SPOCD1: variants seen among roughly 807,000 people sequenced by gnomAD.
SPOCD1 encodes the protein SPOC domain containing 1, also known as SPOC domain-containing protein 1.
A neutral mutation model predicts 92.2 loss-of-function variants in SPOCD1; 64 were observed. The observed-to-expected ratio is 0.69, with a 90% CI of 0.57 to 0.86. The LOEUF (loss-of-function observed/expected upper bound fraction) is 0.86. Among genes scored for constraint, SPOCD1 ranks in the 40% least tolerant of loss-of-function variants. SPOCD1 has a pLI of 0.00. For synonymous variants in SPOCD1, 578 were observed against 619.3 expected, an observed-to-expected ratio of 0.93 and a Z score of 0.99; for missense variants, 1,360 against 1,543.1, an observed-to-expected ratio of 0.88 and a Z score of 1.99.
chr1:31,814,587 C>G lies in SPOCD1; in HGVS notation c.747G>C (p.Leu249=). ...GTCTGCAAGGGCCTCCCAAGGACTC[C>G]AGGTCAGCAACTTGGGGAGGGTCTC... is the stretch of plus-strand genomic sequence containing the variant. The part of the protein sequence containing the change: ...SVGDPPQVAD[L]ESLGGPCRPP... Residue 249 remains leucine, a synonymous_variant, in exon 2 of 16, where the codon CTG becomes CTC. Coordinates refer to ENST00000360482, the MANE Select transcript of SPOCD1 (RefSeq NM_144569.7). This position sits in a 1 kb window ranked among gnomAD's most constrained non-coding sequence, Gnocchi z 4.2. 1 of 1,529,856 alleles carries G rather than the reference C, an allele frequency of 6.5e-7. No individual in the cohort carries two copies. The highest frequency in any genetic ancestry group is 8.8e-7 in the Non-Finnish European group (1 of 1,138,770). The allele number at this position is 1,529,856 out of a possible 1,614,324, so 94.8% of individuals were successfully genotyped here. A position where few individuals can be genotyped will look rare whatever the true frequency, so the allele number is the denominator to read the frequency against.
At chr1:31,793,712 C>T (rs760309119) in intron 12 of SPOCD1, 35 bp downstream of exon 12, 12 of 1,613,152 alleles carry the variant, frequency 7.4e-6, no homozygotes, top group African/African-American at 1.3e-5. Context: ...CTCAACCCTG[C>T]TGGGTTATCC....
At chr1:31,800,652 GC>G in intron 3 of SPOCD1, 35 bp from the exon 4 acceptor site, 1 of 1,544,632 alleles carries the variant, frequency 6.5e-7, no homozygotes, top group Admixed American at 1.9e-5. Flanking sequence ...AGCAAGCGGG[GC>G]CAGCCGCTGT....
chr1:31,800,639 A>C, intron 3 of SPOCD1, 22 bp from the exon 4 acceptor site: 1 of 1,576,536 alleles, frequency 6.3e-7, no homozygotes, highest in Non-Finnish European at 8.6e-7. Context: ...ATCGCACTTC[A>C]GAAGCAAGCG....
At position 31,814,247 on chromosome 1, in the gene SPOCD1, C is replaced by A. The variant is rs767301932; in HGVS notation, c.1087G>T (p.Glu363Ter). The A allele has an allele frequency of 1.1e-5, 18 of 1,583,140 alleles. No homozygotes were observed. Among genetic ancestry groups the A allele is most frequent in the Non-Finnish European group, 1.5e-5 (18 of 1,164,018 alleles). ...GCTGGCTGAGCCTTGGCCTCCAGCTCCTCCTGGTCCTGTGCTGGAGCCTGG... is the reference window on the plus strand; with the variant it reads ...GCTGGCTGAGCCTTGGCCTCCAGCTACTCCTGGTCCTGTGCTGGAGCCTGG... ...EGQAPAQDQE[E>*]LEAKAQPASR... Residue 363 changes from glutamate (E) to a stop codon, truncating the protein, a stop_gained, in exon 2 of 16, where the codon GAG (glutamate) becomes TAG (stop). Transcript: ENST00000360482. LOFTEE classifies it high-confidence loss of function. This position sits in a 1 kb window ranked among gnomAD's most constrained non-coding sequence, Gnocchi z 4.2.
intron 2 of SPOCD1, among the ~76,000 whole-genome samples, chr1:31,804,981 C>CTTTCTTTTTT (rs1648718936): frequency 1.8e-5 from 1 of 54,306 alleles, no homozygotes; most frequent in Non-Finnish European, 4.0e-5. Context: ...TTCTTTCTTT[C>CTTTCTTTTTT]TTTCTTTTTT....
chr1:31,803,951 G>A (rs1261581593), intron 2 of SPOCD1, among the ~76,000 whole-genome samples: 1 of 151,964 alleles, frequency 6.6e-6, no homozygotes, highest in East Asian at 1.9e-4. Flanking sequence ...AAGAGAATGG[G>A]TAGAAGCAGT....
At position 31,798,170 on chromosome 1, in the gene SPOCD1, C is replaced by T. The variant is rs185745132; in HGVS notation, c.2145+37G>A. 528 of 1,518,942 alleles carry T rather than the reference C, an allele frequency of 3.5e-4. 3 individuals carry two copies. In the East Asian group the frequency reaches 9.9e-3, roughly 28 times the overall value. The allele number at this position is 1,518,942 out of a possible 1,614,324, so 94.1% of individuals were successfully genotyped here. A position where few individuals can be genotyped will look rare whatever the true frequency, so the allele number is the denominator to read the frequency against. ...TCTCAGGCCACCCACTCTGCCCCTA[C>T]ATCCCCTCACCCATCCCGACTGGGC... On this transcript the variant is annotated intron_variant, in intron 9 of 15. Coordinates refer to ENST00000360482, the MANE Select transcript of SPOCD1 (RefSeq NM_144569.7). The surrounding 1 kb of genome is among the most constrained non-coding windows in gnomAD (Gnocchi z 4.1).
At chr1:31,804,956 G>C (rs1648715975) in intron 2 of SPOCD1, among the ~76,000 whole-genome samples, 1 of 140,830 alleles carries the variant, frequency 7.1e-6, no homozygotes, top group East Asian at 2.1e-4. Context: ...AGTTATTTGT[G>C]CTCAAATTTC....
At position 31,798,561 on chromosome 1, in the gene SPOCD1, C is replaced by T. The variant is rs1648196351; in HGVS notation, c.1909G>A (p.Val637Met). The change falls in exon 8 of 16, where the codon GTG (valine) becomes ATG (methionine). Residue 637 changes from valine to methionine, a missense_variant. Physicochemically the swap from Val to Met is conservative, Grantham distance 21. Around this residue, in one of 3 missense-constraint regions of SPOCD1, gnomAD observed 614 missense variants for 757.8 expected, o/e 0.81. Transcript: ENST00000360482. This position sits in a 1 kb window ranked among gnomAD's most constrained non-coding sequence, Gnocchi z 4.1. ...LPDPVLSEEV[V>M]EGIAAGIEAA... ...TCAATGCCAGCAGCAATGCCCTCCA[C>T]CACCTCCTCACTCAGCACTGGGTCT... The T allele has an allele frequency of 1.2e-6, 2 of 1,613,608 alleles. No individual in the cohort carries two copies. The highest frequency in any genetic ancestry group is 1.7e-6 in the Non-Finnish European group (2 of 1,179,954).
intron 13 of SPOCD1, 54 bp downstream of exon 13, chr1:31,793,224 C>T: frequency 6.6e-7 from 1 of 1,512,528 alleles, no homozygotes; most frequent in Non-Finnish European, 8.9e-7. Flanking sequence ...GAGAGAGAGG[C>T]TGCCTGGGCT....
Position 31,811,606 on chromosome 1 carries a change from C to T in SPOCD1, c.1383+2345G>A, listed in dbSNP as rs534598464. On this transcript the variant is annotated intron_variant, in intron 2 of 15. Coordinates refer to ENST00000360482, the MANE Select transcript of SPOCD1 (RefSeq NM_144569.7). The stretch of plus-strand genomic sequence containing the variant: ...CAGAGCTTGACCTTGAACCTGTCTG[C>T]CCCTGCCACAAGCCAGGCTGTCTCC... 8.5e-5 allele frequency among the ~76,000 whole-genome samples: 13 copies of T among 152,358 alleles called. No individual in the cohort carries two copies. The East Asian group carries it at 2.5e-3, about 29-fold the overall frequency.
chr1:31,795,529 C>T (rs1483441624), intron 10 of SPOCD1: 1 of 151,748 alleles, frequency 6.6e-6, no homozygotes, highest in African/African-American at 2.4e-5. Flanking sequence ...CCTCCCACCT[C>T]CTCTCTCTCT....
At position 31,809,473 on chromosome 1, in the gene SPOCD1, C is replaced by A. The variant is rs114550131; in HGVS notation, c.1383+4478G>T. On this transcript the variant is annotated intron_variant, in intron 2 of 15. Coordinates refer to ENST00000360482, the MANE Select transcript of SPOCD1 (RefSeq NM_144569.7). ...CCAGAAAATATTCCCTGGAGATACC[C>A]CATATGTACCAAAAACCATACAAAA... Among the ~76,000 whole-genome samples, 971 of 152,060 alleles carry A rather than the reference C, an allele frequency of 6.4e-3. 2 individuals carry two copies. Among genetic ancestry groups the A allele is most frequent in the South Asian group, 0.012 (60 of 4,814 alleles).
intron 2 of SPOCD1, among the ~76,000 whole-genome samples, chr1:31,802,691 T>C (rs1648545538): frequency 6.6e-6 from 1 of 152,224 alleles, no homozygotes. Flanking sequence ...TGTAGGAACT[T>C]GGGTATTCAT....
intron 2 of SPOCD1, 106 bp from the exon 3 acceptor site, chr1:31,801,811 G>T: frequency 1.0e-6 from 1 of 956,632 alleles, no homozygotes; most frequent in South Asian, 1.3e-5. Flanking sequence ...TGTGTGTTCA[G>T]TGTTCACTGA....
intron 2 of SPOCD1, among the ~76,000 whole-genome samples, chr1:31,807,250 G>C (rs544814665): frequency 2.0e-5 from 3 of 147,590 alleles, no homozygotes; most frequent in Admixed American, 6.8e-5. Context: ...TTAGCCAGAC[G>C]TGGTGGCACA....
At position 31,800,591 on chromosome 1, in the gene SPOCD1, G is replaced by T. The variant is rs761634852; in HGVS notation, c.1452C>A (p.Leu484=). ...CYLGSGPVIQ[L]LGAISHGQAG... Reference sequence around the variant, plus strand: ...CCTGGCCGTGGCTGATGGCCCCCAGGAGCTGGATCACTGGCCCGGAACCCA... The same window carrying T: ...CCTGGCCGTGGCTGATGGCCCCCAGTAGCTGGATCACTGGCCCGGAACCCA... The change falls in exon 4 of 16, where the codon CTC becomes CTA. Residue 484 remains leucine, a synonymous_variant. Transcript: ENST00000360482. 31 of 1,609,070 alleles carry T rather than the reference G, an allele frequency of 1.9e-5. No individual in the cohort carries two copies. The highest frequency in any genetic ancestry group is 1.8e-5 in the Non-Finnish European group (21 of 1,177,560).
intron 6 of SPOCD1, 108 bp downstream of exon 6, chr1:31,799,701 G>T: frequency 5.1e-6 from 7 of 1,383,816 alleles, no homozygotes; most frequent in Non-Finnish European, 7.1e-6. Flanking sequence ...GATGGGATGT[G>T]GGGAGAGAAG....
In SPOCD1 at chr1:31,815,113, C is replaced by T. The variant is rs1368997146; in HGVS notation, c.221G>A (p.Gly74Asp). 1.2e-6 allele frequency: 2 copies of T among 1,611,112 alleles called. No individual in the cohort carries two copies. The highest frequency in any genetic ancestry group is 1.7e-5 in the Admixed American group (1 of 59,972). The change falls in exon 2 of 16, where the codon GGT becomes GAT. Residue 74 changes from glycine to aspartate, a missense_variant. Around this residue, in one of 3 missense-constraint regions of SPOCD1, gnomAD observed 140 missense variants for 183.8 expected, o/e 0.76. Transcript: ENST00000360482. ...ALRGGSSRAA[G>D]AAEVRPGVLE... ...GACCCCTGGCCGGACCTCAGCAGCACCTGCAGCCCGGGAGCTGCCACCTCG... is the reference window on the plus strand; with the variant it reads ...GACCCCTGGCCGGACCTCAGCAGCATCTGCAGCCCGGGAGCTGCCACCTCG...
Sources: allele counts gnomAD v4.1 joint callset (sites outside exome capture counted in the v4.1 genomes callset), GRCh38; gene constraint gnomAD v4.1.1; regional missense constraint gnomAD v4.1.1; non-coding constraint Gnocchi (gnomAD v3.1); transcripts MANE v1.5; gene names NCBI Gene and HGNC (gene_info 2026-07-23, HGNC 2026-07-21).